Variants in ATRNL1 observed in about 807,000 individuals in gnomAD.
ATRNL1 encodes the protein attractin like 1, also known as attractin-like protein 1.
In ATRNL1, 95 loss-of-function variants were observed where a neutral mutation model predicts 182.7. That is an observed-to-expected ratio of 0.52 (90% confidence interval 0.44 to 0.62). ATRNL1 has a LOEUF of 0.62. ATRNL1 is among the 20% of genes least tolerant of loss of function. ATRNL1 has a pLI of 0.00. For synonymous variants in ATRNL1, 576 were observed against 568.3 expected, an observed-to-expected ratio of 1.01 and a Z score of -0.19; for missense variants, 1,471 against 1,679.5, an observed-to-expected ratio of 0.88 and a Z score of 2.17.
intron 21 of ATRNL1, among the ~76,000 whole-genome samples, chr10:115,444,834 C>T (rs975081593): frequency 4.0e-5 from 6 of 151,768 alleles, no homozygotes; most frequent in African/African-American, 7.3e-5. Flanking sequence ...CGGGTTCATG[C>T]GATTCTCCTG....
chr10:115,562,109 T>G (rs1402034880), intron 26 of ATRNL1, among the ~76,000 whole-genome samples: 1 of 152,184 alleles, frequency 6.6e-6, no homozygotes, highest in Non-Finnish European at 1.5e-5. Context: ...AGCTTTAAAG[T>G]AGAAATATCC....
In ATRNL1 at chr10:115,389,538, GTGTATATATA is replaced by G. The variant is rs1231795753; in HGVS notation, c.3176-5119_3176-5110del. Reference sequence around the variant, plus strand: ...AGCTGAATAGTATTCAAATGTGTATGTGTATATATATATATATATATATATATATATATAT... The same window carrying G: ...AGCTGAATAGTATTCAAATGTGTATGTATATATATATATATATATATATAT... On this transcript the variant is annotated intron_variant, in intron 19 of 28. Coordinates refer to ENST00000355044, the MANE Select transcript of ATRNL1 (RefSeq NM_207303.4). Among the ~76,000 whole-genome samples, 35 of 51,408 alleles carry G rather than the reference GTGTATATATA, an allele frequency of 6.8e-4. 3 individuals carry two copies. The highest frequency in any genetic ancestry group is 2.3e-3 in the East Asian group (4 of 1,758). 33.7% of individuals were successfully genotyped at this position (51,408 alleles called of 152,430 possible). A position where few individuals can be genotyped will look rare whatever the true frequency, so the allele number is the denominator to read the frequency against.
chr10:115,618,666 A>G (rs1211421154), intron 26 of ATRNL1, among the ~76,000 whole-genome samples: 1 of 151,948 alleles, frequency 6.6e-6, no homozygotes, highest in Middle Eastern at 3.2e-3. Context: ...TTCGTTTTCA[A>G]GATTTGGATT....
intron 26 of ATRNL1, among the ~76,000 whole-genome samples, chr10:115,583,840 G>A (rs1279492692): frequency 6.7e-6 from 1 of 150,198 alleles, no homozygotes; most frequent in South Asian, 2.1e-4. Flanking sequence ...GTTTTCAAAG[G>A]GAATGCTTCC....
chr10:115,731,698 G>A (rs906928354), intron 27 of ATRNL1, among the ~76,000 whole-genome samples: 40 of 149,930 alleles, frequency 2.7e-4, no homozygotes, highest in African/African-American at 9.3e-4. Context: ...CTGATTTTTG[G>A]TATATATACA....
chr10:115,542,120 C>T (rs1554992189), intron 25 of ATRNL1, among the ~76,000 whole-genome samples: 1 of 152,078 alleles, frequency 6.6e-6, no homozygotes. Flanking sequence ...TGTAATAGGA[C>T]TTACCCAGGA....
intron 21 of ATRNL1, among the ~76,000 whole-genome samples, chr10:115,445,029 C>A (rs1372969722): frequency 6.6e-6 from 1 of 151,858 alleles, no homozygotes; most frequent in South Asian, 2.1e-4. Context: ...CTGCACCCGA[C>A]CCTGAAATTA....
chr10:115,371,675 A>G (rs1002864936), intron 19 of ATRNL1, among the ~76,000 whole-genome samples: 5 of 152,218 alleles, frequency 3.3e-5, no homozygotes, highest in Admixed American at 3.3e-4. Flanking sequence ...TTACAGTCTC[A>G]TAGACAGAAG....
chr10:115,174,925 C>T (rs782345142), intron 8 of ATRNL1, among the ~76,000 whole-genome samples: 1 of 151,768 alleles, frequency 6.6e-6, no homozygotes, highest in African/African-American at 2.4e-5. Context: ...TAGTAAATGG[C>T]CCAAAGTTCC....
intron 27 of ATRNL1, among the ~76,000 whole-genome samples, chr10:115,775,571 T>C (rs1277349254): frequency 6.6e-6 from 1 of 152,206 alleles, no homozygotes; most frequent in African/African-American, 2.4e-5. Context: ...AAATATCCTA[T>C]ATGGACTTCA....
intron 28 of ATRNL1, among the ~76,000 whole-genome samples, chr10:115,920,398 T>G (rs1224026796): frequency 1.3e-5 from 2 of 152,190 alleles, no homozygotes; most frequent in African/African-American, 4.8e-5. Flanking sequence ...CCAGAGCTAG[T>G]ACAAACACCT....
chr10:115,320,790 C>A (rs138386986), intron 18 of ATRNL1, among the ~76,000 whole-genome samples: 177 of 152,156 alleles, frequency 1.2e-3, no homozygotes, highest in African/African-American at 4.1e-3. Context: ...TTAGCAGCTC[C>A]TCTAACCTTT....
At chr10:115,292,972 T>C (rs942806039) in intron 15 of ATRNL1, among the ~76,000 whole-genome samples, 5 of 152,168 alleles carry the variant, frequency 3.3e-5, no homozygotes, top group Non-Finnish European at 7.4e-5. Flanking sequence ...CCAAGTATTA[T>C]TGTTTTGGGG....
intron 28 of ATRNL1, among the ~76,000 whole-genome samples, chr10:115,870,894 G>A (rs1555105942): frequency 6.6e-6 from 1 of 152,092 alleles, no homozygotes; most frequent in East Asian, 1.9e-4. Context: ...AAGAGTAAGT[G>A]AGTTAAAACA....
chr10:115,503,183 A>T (rs960279961), intron 24 of ATRNL1, among the ~76,000 whole-genome samples: 25 of 152,164 alleles, frequency 1.6e-4, no homozygotes, highest in African/African-American at 4.6e-4. Context: ...AACCTTAATT[A>T]AAAAAATTAA....
At chr10:115,444,233 G>A (rs1846845606) in intron 21 of ATRNL1, among the ~76,000 whole-genome samples, 1 of 151,982 alleles carries the variant, frequency 6.6e-6, no homozygotes, top group Non-Finnish European at 1.5e-5. Flanking sequence ...ATATTAAATT[G>A]CCTTCTTAGA....
At chr10:115,363,320 T>A (rs2134164632) in intron 19 of ATRNL1, among the ~76,000 whole-genome samples, 1 of 151,976 alleles carries the variant, frequency 6.6e-6, no homozygotes. Flanking sequence ...TGTCTTCTTT[T>A]GAGAAGTGTC....
At chr10:115,096,768 G>T in intron 1 of ATRNL1, 1 of 1,264,130 alleles carries the variant, frequency 7.9e-7, no homozygotes. Context: ...TCTTAGCATT[G>T]ATTCCAGTCT....
chr10:115,713,118 G>T (rs1450926725), intron 26 of ATRNL1, among the ~76,000 whole-genome samples: 2 of 152,066 alleles, frequency 1.3e-5, no homozygotes, highest in African/African-American at 2.4e-5. Flanking sequence ...TTCCCAGGAA[G>T]TATTTGTCTC....
Sources: allele counts gnomAD v4.1 joint callset (sites outside exome capture counted in the v4.1 genomes callset), GRCh38; gene constraint gnomAD v4.1.1; transcripts MANE v1.5; gene names NCBI Gene and HGNC (gene_info 2026-07-23, HGNC 2026-07-21).